PLEKHG1: variants seen among roughly 807,000 people sequenced by gnomAD.
PLEKHG1 encodes pleckstrin homology domain-containing family G member 1.
PLEKHG1 carries 44 observed loss-of-function variants against 100.8 expected under a neutral mutation model. That is an observed-to-expected ratio of 0.44 (90% CI 0.34 to 0.56). The LOEUF (loss-of-function observed/expected upper bound fraction) is 0.56, where lower values mean the gene tolerates loss of function less well. Among genes scored for constraint, PLEKHG1 ranks in the 20% least tolerant of loss-of-function variants. The probability of loss-of-function intolerance (pLI) is 0.01; values close to 1 mark genes in which losing one functional copy is unlikely to be tolerated. For synonymous variants in PLEKHG1, 640 were observed against 662.5 expected (o/e 0.97, Z 0.52); for missense variants, 1,545 against 1,720.9 (o/e 0.90, Z 1.81).
At chr6:150,771,644 C>T (rs1784720959) in intron 3 of PLEKHG1, among the ~76,000 whole-genome samples, 1 of 151,686 alleles carries the variant, frequency 6.6e-6, no homozygotes, top group Non-Finnish European at 1.5e-5. Flanking sequence ...CTCCCGGGTT[C>T]AACAAATCAA....
intron 3 of PLEKHG1, among the ~76,000 whole-genome samples, chr6:150,687,193 G>C (rs1780171154): frequency 6.6e-6 from 1 of 152,150 alleles, no homozygotes; most frequent in South Asian, 2.1e-4. Context: ...CAGTAGTCAC[G>C]TAATACCTTC....
exon 16 of PLEKHG1, chr6:150,840,619 T>C (rs1777478491): frequency 6.2e-7 from 1 of 1,614,236 alleles, no homozygotes. Flanking sequence ...GAGTTGGAGC[T>C]ATCTCACAAT....
At chr6:150,612,835 T>C (rs1223381551) in intron 1 of PLEKHG1, among the ~76,000 whole-genome samples, 1 of 152,212 alleles carries the variant, frequency 6.6e-6, no homozygotes, top group Non-Finnish European at 1.5e-5. Context: ...CCTTGATCCA[T>C]GCTCCCTCTT....
intron 2 of PLEKHG1, among the ~76,000 whole-genome samples, chr6:150,645,339 G>A (rs1778452039): frequency 6.6e-6 from 1 of 152,182 alleles, no homozygotes; most frequent in Admixed American, 6.5e-5. Flanking sequence ...GGACTTACAT[G>A]TGAAATTACA....
At chr6:150,692,140 GAGT>G (rs968588573) in intron 3 of PLEKHG1, among the ~76,000 whole-genome samples, 2 of 152,200 alleles carry the variant, frequency 1.3e-5, no homozygotes, top group African/African-American at 4.8e-5. Flanking sequence ...CTTCAGGCAT[GAGT>G]AAAATAAAGA....
intron 3 of PLEKHG1, among the ~76,000 whole-genome samples, chr6:150,700,357 C>T (rs533199514): frequency 6.6e-6 from 1 of 152,182 alleles, no homozygotes; most frequent in East Asian, 1.9e-4. Flanking sequence ...TGCGAACTTG[C>T]TAGAAATCCT....
chr6:150,716,285 A>AGAT (rs1295157901), upstream of PLEKHG1, among the ~76,000 whole-genome samples: 1 of 152,196 alleles, frequency 6.6e-6, no homozygotes, highest in Non-Finnish European at 1.5e-5. Flanking sequence ...TTAAATTACA[A>AGAT]GATAAGTAGG....
At chr6:150,733,794 G>A in exon 2 of PLEKHG1, 9 of 1,614,180 alleles carry the variant, frequency 5.6e-6, no homozygotes, top group Non-Finnish European at 7.6e-6. Flanking sequence ...GTTTCAAATA[G>A]CCACATGGGC....
At chr6:150,702,589 T>TGTGTGA (rs997832563) in intron 3 of PLEKHG1, among the ~76,000 whole-genome samples, 17 of 151,872 alleles carry the variant, frequency 1.1e-4, no homozygotes, top group Non-Finnish European at 2.5e-4. Context: ...TGTGTGTGTG[T>TGTGTGA]GTACTTATAT....
chr6:150,800,787 A>T, exon 6 of PLEKHG1: 1 of 1,613,748 alleles, frequency 6.2e-7, no homozygotes, highest in Non-Finnish European at 8.5e-7. Flanking sequence ...GAGCGTCAGG[A>T]AACTCTGAAA....
chr6:150,748,615 CTTT>C (rs746682669), intron 2 of PLEKHG1, among the ~76,000 whole-genome samples: 13,847 of 117,898 alleles, frequency 0.12, 547 homozygotes, highest in East Asian at 0.23. Context: ...TACCTTTGAC[CTTT>C]TTTTTTTTTT....
chr6:150,634,249 C>CA (rs1562397819), intron 1 of PLEKHG1, among the ~76,000 whole-genome samples: 18 of 108,914 alleles, frequency 1.7e-4, no homozygotes, highest in South Asian at 2.6e-4. Context: ...GATCTCCCCC[C>CA]CAAAAAAAAA....
At chr6:150,750,251 A>G (rs778644445) in intron 2 of PLEKHG1, among the ~76,000 whole-genome samples, 3 of 152,216 alleles carry the variant, frequency 2.0e-5, no homozygotes, top group East Asian at 1.9e-4. Context: ...ACTAAAGGCT[A>G]TTGCCTAAGA....
chr6:150,629,522 G>A (rs1040275604), intron 1 of PLEKHG1, among the ~76,000 whole-genome samples: 4 of 151,834 alleles, frequency 2.6e-5, no homozygotes, highest in East Asian at 1.9e-4. Flanking sequence ...GTGCAGTGGC[G>A]CAATCTCGGC....
At chr6:150,608,349 A>C (rs1017709003) in intron 1 of PLEKHG1, among the ~76,000 whole-genome samples, 12 of 152,202 alleles carry the variant, frequency 7.9e-5, no homozygotes, top group African/African-American at 2.9e-4. Flanking sequence ...ACAGAAGGAG[A>C]CTGGTTTTGC....
chr6:150,628,575 C>CACACACACACACACACACACACAT (rs754227842), intron 1 of PLEKHG1, among the ~76,000 whole-genome samples: 3,074 of 137,270 alleles, frequency 0.022, 191 homozygotes, highest in East Asian at 0.033. Context: ...CACACACACA[C>CACACACACACACACACACACACAT]ACCCCGTCCT....
chr6:150,725,658 T>C (rs1355741028), intron 1 of PLEKHG1, among the ~76,000 whole-genome samples: 1 of 152,218 alleles, frequency 6.6e-6, no homozygotes, highest in African/African-American at 2.4e-5. Context: ...GTAGTCTCAC[T>C]TGTCTGTTTT....
At chr6:150,722,135 A>AT (rs1355726803) in intron 1 of PLEKHG1, among the ~76,000 whole-genome samples, 1 of 152,100 alleles carries the variant, frequency 6.6e-6, no homozygotes, top group Non-Finnish European at 1.5e-5. Flanking sequence ...AAGAAGCCGC[A>AT]TTTTAAATTC....
intron 2 of PLEKHG1, among the ~76,000 whole-genome samples, chr6:150,644,325 TC>T: frequency 6.8e-6 from 1 of 146,024 alleles, no homozygotes; most frequent in African/African-American, 2.5e-5. Context: ...GTGGTTTTTT[TC>T]TTTTCGTGTT....
Sources: gnomAD v4.1 joint callset for allele counts (sites outside exome capture counted in the v4.1 genomes callset) on GRCh38, gnomAD v4.1.1 for gene constraint, MANE v1.5 for transcripts, NCBI Gene and HGNC (gene_info 2026-07-23, HGNC 2026-07-21) for gene names.